CLK2: variants seen among roughly 807,000 people sequenced by gnomAD.
The protein encoded by CLK2 is dual specificity protein kinase CLK2.
In CLK2, 12 loss-of-function variants were observed where a neutral mutation model predicts 73.5. The observed-to-expected ratio is 0.16, with a 90% CI of 0.10 to 0.26. CLK2 has a LOEUF of 0.26. CLK2 is among the 10% of genes least tolerant of loss of function. CLK2 has a pLI of 1.00. For missense variants in CLK2, 509 were observed against 688.4 expected (o/e 0.74, Z 2.92); for synonymous variants, 232 against 237.9 (o/e 0.98, Z 0.23).
intron 8 of CLK2, 113 bp downstream of exon 8, chr1:155,265,745 CAG>C (rs1673204521): frequency 5.1e-6 from 4 of 779,184 alleles, no homozygotes; most frequent in South Asian, 1.4e-5. Context: ...TGGAGCCAGA[CAG>C]GGAGAAAATG....
In CLK2 at chr1:155,263,330, T is replaced by C; in HGVS notation, c.1388A>G (p.Glu463Gly). 1 of 1,614,208 alleles carries C rather than the reference T, an allele frequency of 6.2e-7. No individual in the cohort carries two copies. The highest frequency in any genetic ancestry group is 2.2e-5 in the East Asian group (1 of 44,892). Residue 463 changes from glutamate to glycine, a missense_variant, in exon 13 of 13, where the codon GAA becomes GGA. Around this residue, in one of 6 missense-constraint regions of CLK2, gnomAD observed 134 missense variants for 146.0 expected, o/e 0.92. Coordinates refer to ENST00000368361, the MANE Select transcript of CLK2 (RefSeq NM_001294338.2). Reference protein sequence around the residue: ...FDLIESMLEYEPAKRLTLGEA... With the variant: ...FDLIESMLEYGPAKRLTLGEA... ...ACCCAAGGTCAGCCGCTTAGCTGGT[T>C]CATACTCTAGCATGCTTTCAATCAG... is the stretch of plus-strand genomic sequence containing the variant.
In CLK2 at chr1:155,263,994, T is replaced by A; in HGVS notation, c.1273A>T (p.Thr425Ser). ...YRGRLDWDEN[T>S]SAGRYVRENC... ...TCACGAACATAGCGCCCAGCTGATGTGTTCTCATCCCAATCCAGGCGACCC... is the reference window on the plus strand; with the variant it reads ...TCACGAACATAGCGCCCAGCTGATGAGTTCTCATCCCAATCCAGGCGACCC... Residue 425 changes from threonine to serine, a missense_variant, in exon 12 of 13, where the codon ACA becomes TCA. Thr to Ser is a moderately conservative substitution (Grantham distance 58). This residue lies in a region of CLK2 where 134 missense variants were observed against 146.0 expected (regional missense o/e 0.92). Transcript: ENST00000368361. 6.2e-7 allele frequency: 1 copy of A among 1,614,220 alleles called. No individual in the cohort carries two copies. Among genetic ancestry groups the A allele is most frequent in the Non-Finnish European group, 8.5e-7 (1 of 1,180,042 alleles).
chr1:155,270,840 C>G lies in CLK2; in HGVS notation c.138G>C (p.Arg46=). Residue 46 remains arginine, a synonymous_variant, in exon 2 of 13, where the codon CGG becomes CGC. Coordinates refer to ENST00000368361, the MANE Select transcript of CLK2 (RefSeq NM_001294338.2). ...AACGGACATGGTAGCTGTCCTCTCG[C>G]CGACGCCGTCGTGTCCGGTCACTAC... The part of the protein sequence containing the change: ...SSSSDRTRRR[R]REDSYHVRSR... 3 of 1,612,660 alleles carry G rather than the reference C, an allele frequency of 1.9e-6. No homozygotes were observed. Among genetic ancestry groups the G allele is most frequent in the East Asian group, 2.2e-5 (1 of 44,838 alleles).
At chr1:155,264,795 G>A (rs776210842) in intron 8 of CLK2, 21 bp from the exon 9 acceptor site, 1 of 1,612,794 alleles carries the variant, frequency 6.2e-7, no homozygotes, top group Non-Finnish European at 8.5e-7. Context: ...AGGAGAAAGA[G>A]GATGAACCTC....
chr1:155,268,195 G>A lies in CLK2; in HGVS notation c.555-69C>T. The A allele has an allele frequency of 6.4e-7, 1 of 1,553,528 alleles. No individual in the cohort carries two copies. The highest frequency in any genetic ancestry group is 1.7e-4 in the Middle Eastern group (1 of 5,928). The stretch of plus-strand genomic sequence containing the variant: ...TCTCAAAATGAACAGGGCTGTAGGG[G>A]GACTAAGAAATTCTACCTCAGGTTA... On this transcript the variant is annotated intron_variant, in intron 5 of 12. Transcript: ENST00000368361. The surrounding 1 kb of genome is among the most constrained non-coding windows in gnomAD (Gnocchi z 5.6).
At chr1:155,264,351 GA>G in intron 10 of CLK2, 51 bp from the exon 11 acceptor site, 1 of 1,607,730 alleles carries the variant, frequency 6.2e-7, no homozygotes, top group East Asian at 2.2e-5. Flanking sequence ...GCATGCTAAG[GA>G]TCAGCTGCCA....
chr1:155,269,162 A>C, intron 3 of CLK2: 1 of 577,086 alleles, frequency 1.7e-6, no homozygotes, highest in Non-Finnish European at 3.1e-6. Flanking sequence ...TACAGAGCCC[A>C]GGGCTTGGGG....
chr1:155,269,192 C>T, intron 3 of CLK2: 1 of 584,436 alleles, frequency 1.7e-6, no homozygotes, highest in East Asian at 2.9e-5. Context: ...AGTTCACAAG[C>T]AAGGTCCCCA....
Position 155,269,244 on chromosome 1 carries a change from C to T in CLK2, c.399+244G>A, listed in dbSNP as rs1673378009. The stretch of plus-strand genomic sequence containing the variant: ...GCTGGGGCGGAGAAGCTGCTCCCAA[C>T]ACAATAAGCCCAACATGCCAGGGAG... On this transcript the variant is annotated intron_variant, in intron 3 of 12. Transcript: ENST00000368361. 6.7e-6 allele frequency: 4 copies of T among 598,786 alleles called. No individual in the cohort carries two copies. The East Asian group carries it at 8.3e-5, about 12-fold the overall frequency. The allele number at this position is 598,786 out of a possible 1,614,324, so 37.1% of individuals were successfully genotyped here. A position where few individuals can be genotyped will look rare whatever the true frequency, so the allele number is the denominator to read the frequency against.
chr1:155,263,123 G>T lies in CLK2; in HGVS notation c.*95C>A. ...ATATAGAGAGCCAGGAGGAAGGAGTGAACTCTGGCTCGTTCTCTTGTATAA... is the reference window on the plus strand; with the variant it reads ...ATATAGAGAGCCAGGAGGAAGGAGTTAACTCTGGCTCGTTCTCTTGTATAA... On this transcript the variant is annotated 3_prime_UTR_variant, in exon 13 of 13. Coordinates refer to ENST00000368361, the MANE Select transcript of CLK2 (RefSeq NM_001294338.2). 1.6e-6 allele frequency: 2 copies of T among 1,217,514 alleles called. No homozygotes were observed. The highest frequency in any genetic ancestry group is 3.1e-5 in the South Asian group (2 of 64,886). The allele number at this position is 1,217,514 out of a possible 1,614,324, so 75.4% of individuals were successfully genotyped here.
chr1:155,265,833 AC>A (rs1673208984), intron 8 of CLK2, 26 bp downstream of exon 8: 1 of 1,489,852 alleles, frequency 6.7e-7, no homozygotes, highest in Non-Finnish European at 9.4e-7. Flanking sequence ...GCCCCCAGTA[AC>A]CAAGGGCAGA....
Position 155,265,935 on chromosome 1 carries a change from C to T in CLK2, c.858G>A (p.Leu286=), listed in dbSNP as rs2148134773. 6.2e-7 allele frequency: 1 copy of T among 1,612,614 alleles called. No individual in the cohort carries two copies. Among genetic ancestry groups the T allele is most frequent in the East Asian group, 2.2e-5 (1 of 44,870 alleles). Residue 286 remains leucine, a synonymous_variant, in exon 8 of 13, where the codon CTG becomes CTA. Transcript: ENST00000368361. ...QAVKFLHDNK[L]THTDLKPENI... is the part of the protein sequence containing the mutation. ...TTTCAGGCTTGAGGTCTGTATGTGTCAGCTTGTTATCATGGAGGACTGTAG... is the reference window on the plus strand; with the variant it reads ...TTTCAGGCTTGAGGTCTGTATGTGTTAGCTTGTTATCATGGAGGACTGTAG...
rs1196427947 is a variant in CLK2 at position 155,268,820 on chromosome 1, A to C, written c.400-25T>G. Reference sequence around the variant, plus strand: ...GCTGTCGGGGGGCAGGGGGGGTCGGAGCAAGCCAGGTGTCGGAGCGGGGGC... The same window carrying C: ...GCTGTCGGGGGGCAGGGGGGGTCGGCGCAAGCCAGGTGTCGGAGCGGGGGC... On this transcript the variant is annotated intron_variant, in intron 3 of 12. Transcript: ENST00000368361. This position sits in a 1 kb window ranked among gnomAD's most constrained non-coding sequence, Gnocchi z 5.6. 8.1e-7 allele frequency: 1 copy of C among 1,227,102 alleles called. No individual in the cohort carries two copies. The highest frequency in any genetic ancestry group is 1.1e-6 in the Non-Finnish European group (1 of 907,002). The allele number at this position is 1,227,102 out of a possible 1,614,324, so 76.0% of individuals were successfully genotyped here. A position where few individuals can be genotyped will look rare whatever the true frequency, so the allele number is the denominator to read the frequency against.
At chr1:155,263,756 G>C (rs1673096024) in intron 12 of CLK2, 194 bp downstream of exon 12, 1 of 983,292 alleles carries the variant, frequency 1.0e-6, no homozygotes, top group Non-Finnish European at 1.2e-6. Flanking sequence ...CTCAAGGTTA[G>C]GCTGTCTAAC....
At chr1:155,273,138 G>A (rs545243248) in intron 1 of CLK2, 63 bp downstream of exon 1, 1 of 149,166 alleles carries the variant, frequency 6.7e-6, no homozygotes, top group East Asian at 1.9e-4. Context: ...CCCAACCCAA[G>A]CCTAACCCCG....
Position 155,263,256 on chromosome 1 carries a change from T to A in CLK2, c.1462A>T (p.Asn488Tyr), listed in dbSNP as rs751860229. 1.9e-6 allele frequency: 3 copies of A among 1,613,962 alleles called. No homozygotes were observed. The highest frequency in any genetic ancestry group is 2.5e-6 in the Non-Finnish European group (3 of 1,180,000). The change falls in exon 13 of 13, where the codon AAC (asparagine) becomes TAC (tyrosine). Residue 488 changes from asparagine (N) to tyrosine (Y), a missense_variant. Transcript: ENST00000368361. ...TCCCGACTGGAGTCCCACAACTTGT[T>A]GGGCGGCTCAGCCCGAAGGCGGGCG... Reference protein sequence around the residue: ...FFARLRAEPPNKLWDSSRDIS... With the variant: ...FFARLRAEPPYKLWDSSRDIS...
At chr1:155,264,594 G>A (rs1465875789) in intron 9 of CLK2, 44 bp from the exon 10 acceptor site, 1 of 1,614,196 alleles carries the variant, frequency 6.2e-7, no homozygotes, top group South Asian at 1.1e-5. Context: ...GGCTTAGGTG[G>A]CCCCACCCTC....
In CLK2 at chr1:155,269,539, C is replaced by T. The variant is rs768375384; in HGVS notation, c.348G>A (p.Arg116=). 42 of 1,614,000 alleles carry T rather than the reference C, an allele frequency of 2.6e-5. No individual in the cohort carries two copies. Among genetic ancestry groups the T allele is most frequent in the Non-Finnish European group, 3.0e-5 (35 of 1,180,046 alleles). The change falls in exon 3 of 13, where the codon AGG becomes AGA. Residue 116 remains arginine, a synonymous_variant. Transcript: ENST00000368361. ...SSYRSQRSSR[R]KHRRRRRRSR... ...TGCGCCTCCTCCGCCGTCTGTGCTTCCTCCGGCTGCTGCGCTGGCTGCGGT... is the reference window on the plus strand; with the variant it reads ...TGCGCCTCCTCCGCCGTCTGTGCTTTCTCCGGCTGCTGCGCTGGCTGCGGT...
At position 155,268,748 on chromosome 1, in the gene CLK2, G is replaced by A. The variant is rs139020994; in HGVS notation, c.447C>T (p.Gly149=). Residue 149 remains glycine, a synonymous_variant, in exon 4 of 13, where the codon GGC becomes GGT. Transcript: ENST00000368361. This position sits in a 1 kb window ranked among gnomAD's most constrained non-coding sequence, Gnocchi z 5.6. Reference sequence around the variant, plus strand: ...AGTCCCCGACGTGGTAGATGAGGTGGCCCTCAGCGTCGTCCTCTACACTCT... The same window carrying A: ...AGTCCCCGACGTGGTAGATGAGGTGACCCTCAGCGTCGTCCTCTACACTCT... The part of the protein sequence containing the change: ...RAKSVEDDAE[G]HLIYHVGDWL... The A allele has an allele frequency of 1.2e-6, 2 of 1,613,172 alleles. No homozygotes were observed. The highest frequency in any genetic ancestry group is 1.7e-6 in the Non-Finnish European group (2 of 1,179,752).
Sources: gnomAD v4.1 joint callset for allele counts on GRCh38, gnomAD v4.1.1 for gene constraint, gnomAD v4.1.1 regional missense constraint, Gnocchi (gnomAD v3.1) non-coding constraint, MANE v1.5 for transcripts, NCBI Gene and HGNC (gene_info 2026-07-23, HGNC 2026-07-21) for gene names.